The following ITPR2 variants were observed in gnomAD, a reference collection of about 807,000 sequenced individuals.
ITPR2 encodes the protein inositol 1,4,5-trisphosphate-gated calcium channel ITPR2.
Under a neutral mutation model 317.1 loss-of-function variants are expected in ITPR2, and 207 were observed. The observed-to-expected ratio is 0.65, with a 90% CI of 0.58 to 0.73. The LOEUF (loss-of-function observed/expected upper bound fraction) is 0.73, where lower values mean the gene tolerates loss of function less well. Among genes scored for constraint, ITPR2 ranks in the 30% least tolerant of loss-of-function variants. ITPR2 has a pLI of 0.00. For synonymous variants in ITPR2, 1,156 were observed against 1,149.1 expected (o/e 1.01, Z -0.12); for missense variants, 2,613 against 3,284.0 (o/e 0.80, Z 4.99).
intron 47 of ITPR2, among the ~76,000 whole-genome samples, chr12:26,437,122 A>G (rs1941371809): frequency 6.6e-6 from 1 of 152,228 alleles, no homozygotes; most frequent in South Asian, 2.1e-4. Context: ...AAATAACTGA[A>G]CGGATTGGTA....
chr12:26,389,205 G>A (rs1275163413), intron 54 of ITPR2, among the ~76,000 whole-genome samples: 1 of 152,058 alleles, frequency 6.6e-6, no homozygotes, highest in African/African-American at 2.4e-5. Flanking sequence ...AAACCTAAGA[G>A]AAATGGTGTC....
At chr12:26,671,532 A>G (rs2136938398) in intron 13 of ITPR2, among the ~76,000 whole-genome samples, 1 of 152,342 alleles carries the variant, frequency 6.6e-6, no homozygotes. Flanking sequence ...CCTGCCCTAA[A>G]AGAGGTCCTG....
Position 26,513,857 on chromosome 12 carries a change from C to G in ITPR2, c.5074-18597G>C, listed in dbSNP as rs148997783. ...CATAAAAGCTACCCAGGAGGAAAAT[C>G]AACTGACTTCAGGCCACATGTATGT... On this transcript the variant is annotated intron_variant, in intron 37 of 56. Transcript: ENST00000381340. 1.0e-3 allele frequency among the ~76,000 whole-genome samples: 156 copies of G among 152,210 alleles called. 1 individual carries two copies. Among genetic ancestry groups the G allele is most frequent in the African/African-American group, 3.6e-3 (150 of 41,520 alleles).
At chr12:26,762,372 T>C (rs983016393) in intron 2 of ITPR2, among the ~76,000 whole-genome samples, 1 of 152,140 alleles carries the variant, frequency 6.6e-6, no homozygotes, top group Non-Finnish European at 1.5e-5. Context: ...AAAACTTACA[T>C]AAGACTATCA....
chr12:26,473,500 C>A (rs894527021), intron 45 of ITPR2, among the ~76,000 whole-genome samples: 2 of 152,184 alleles, frequency 1.3e-5, no homozygotes, highest in African/African-American at 4.8e-5. Context: ...GACTATCTTG[C>A]AGTCAAGAAA....
intron 37 of ITPR2, among the ~76,000 whole-genome samples, chr12:26,514,137 C>A: frequency 6.6e-6 from 1 of 152,056 alleles, no homozygotes; most frequent in Admixed American, 6.5e-5. Flanking sequence ...GAAGAGTGAG[C>A]TAAATTCCTT....
intron 26 of ITPR2, among the ~76,000 whole-genome samples, chr12:26,607,427 C>A (rs1946158843): frequency 6.6e-6 from 1 of 152,018 alleles, no homozygotes; most frequent in East Asian, 1.9e-4. Context: ...ACTGAATAAC[C>A]CTCTGTGGGA....
At chr12:26,518,999 GA>G (rs1309002367) in intron 37 of ITPR2, among the ~76,000 whole-genome samples, 1 of 152,010 alleles carries the variant, frequency 6.6e-6, no homozygotes, top group East Asian at 1.9e-4. Context: ...AAAAGAGACA[GA>G]AAATCTAAAG....
chr12:26,385,732 G>A (rs1305345719), intron 55 of ITPR2, among the ~76,000 whole-genome samples: 1 of 151,922 alleles, frequency 6.6e-6, no homozygotes, highest in South Asian at 2.1e-4. Flanking sequence ...TTTTATTCAG[G>A]CTACTCCCTC....
At chr12:26,507,853 C>CTGTGTG (rs541133629) in intron 37 of ITPR2, among the ~76,000 whole-genome samples, 5,407 of 107,120 alleles carry the variant, frequency 0.05, 133 homozygotes, top group Non-Finnish European at 0.083. Context: ...CTACTCTTCT[C>CTGTGTG]TCTCTGTCTC....
chr12:26,768,428 AAAAAAAT>A (rs1198755668), intron 2 of ITPR2, among the ~76,000 whole-genome samples: 2,372 of 62,920 alleles, frequency 0.038, 85 homozygotes, highest in African/African-American at 0.075. Flanking sequence ...AAAAAATTAA[AAAAAAAT>A]AAAAAATAAA....
At chr12:26,527,436 T>C (rs945003751) in intron 37 of ITPR2, among the ~76,000 whole-genome samples, 3 of 152,244 alleles carry the variant, frequency 2.0e-5, no homozygotes, top group Admixed American at 1.3e-4. Context: ...AGTATAGTTC[T>C]GGTATAGCTG....
At chr12:26,759,748 T>C (rs1026746521) in intron 2 of ITPR2, among the ~76,000 whole-genome samples, 1 of 152,214 alleles carries the variant, frequency 6.6e-6, no homozygotes, top group African/African-American at 2.4e-5. Flanking sequence ...CTCCACATCA[T>C]CTTTTCTAAA....
At chr12:26,489,238 G>T (rs1256039499) in intron 39 of ITPR2, among the ~76,000 whole-genome samples, 1 of 152,168 alleles carries the variant, frequency 6.6e-6, no homozygotes, top group African/African-American at 2.4e-5. Flanking sequence ...GAGTGTAAGG[G>T]GAAAGAAACT....
intron 52 of ITPR2, among the ~76,000 whole-genome samples, chr12:26,410,618 C>CT (rs1347881792): frequency 6.6e-6 from 1 of 152,102 alleles, no homozygotes; most frequent in South Asian, 2.1e-4. Flanking sequence ...AAATCTGCTC[C>CT]TTTTTGTATA....
chr12:26,340,087 C>T (rs1938056337), intron 56 of ITPR2, 80 bp downstream of exon 56: 1 of 1,370,974 alleles, frequency 7.3e-7, no homozygotes, highest in Non-Finnish European at 9.8e-7. Context: ...TGACCTGGCT[C>T]CCTGGACCCT....
chr12:26,528,649 T>C (rs541479427), intron 37 of ITPR2, among the ~76,000 whole-genome samples: 2 of 152,382 alleles, frequency 1.3e-5, no homozygotes, highest in Admixed American at 6.5e-5. Context: ...ATTTTCCCTT[T>C]TGATATTGCT....
chr12:26,507,863 C>CTCTCTCTGTGTGTGTG (rs372756412), intron 37 of ITPR2, among the ~76,000 whole-genome samples: 3 of 132,202 alleles, frequency 2.3e-5, no homozygotes, highest in Admixed American at 7.7e-5. Context: ...CTCTCTGTCT[C>CTCTCTCTGTGTGTGTG]TGTGTGTGTG....
intron 2 of ITPR2, among the ~76,000 whole-genome samples, chr12:26,733,090 G>T (rs1949052284): frequency 6.6e-6 from 1 of 151,236 alleles, no homozygotes; most frequent in African/African-American, 2.4e-5. Context: ...CCAGCACTTT[G>T]GGAGGCTGGG....
Sources: gnomAD v4.1 joint callset for allele counts (sites outside exome capture counted in the v4.1 genomes callset) on GRCh38, gnomAD v4.1.1 for gene constraint, MANE v1.5 for transcripts, NCBI Gene and HGNC (gene_info 2026-07-23, HGNC 2026-07-21) for gene names.